Variants in SUSD1 observed in about 807,000 individuals in gnomAD.
The protein encoded by SUSD1 is sushi domain-containing protein 1.
Under a neutral mutation model 86.9 loss-of-function variants are expected in SUSD1, and 65 were observed. The ratio of observed to expected loss-of-function variants is 0.75; its 90% CI spans 0.61 to 0.92. The LOEUF (loss-of-function observed/expected upper bound fraction) is 0.92, where lower values mean the gene tolerates loss of function less well. Among genes scored for constraint, SUSD1 ranks in the 40% least tolerant of loss-of-function variants. The pLI is 0.00. For missense variants in SUSD1, 850 were observed against 929.7 expected (o/e 0.91, Z 1.11); for synonymous variants, 346 against 350.0 (o/e 0.99, Z 0.13).
chr9:112,068,559 A>T (rs148692469), intron 12 of SUSD1, among the ~76,000 whole-genome samples: 10 of 152,200 alleles, frequency 6.6e-5, no homozygotes, highest in African/African-American at 2.4e-4. Context: ...TAAATTAGTC[A>T]GGCACAGTGG....
intron 13 of SUSD1, among the ~76,000 whole-genome samples, chr9:112,059,145 C>T (rs1410879003): frequency 1.3e-5 from 2 of 152,228 alleles, no homozygotes; most frequent in East Asian, 1.9e-4. Flanking sequence ...AGAAAAAGTC[C>T]GGGCCCATGT....
chr9:112,149,255 G>T lies in SUSD1; in HGVS notation c.362C>A (p.Thr121Asn). The T allele has an allele frequency of 6.2e-7, 1 of 1,614,092 alleles. No homozygotes were observed. Among genetic ancestry groups the T allele is most frequent in the East Asian group, 2.2e-5 (1 of 44,878 alleles). The change falls in exon 3 of 17, where the codon ACC becomes AAC. Residue 121 changes from threonine (T) to asparagine (N), a missense_variant. Coordinates refer to ENST00000374270, the MANE Select transcript of SUSD1 (RefSeq NM_022486.5). ...NNKTFIPNDG[T>N]FCTDIDECEV... ...CCCTTCTTGAGTACCTGTACAAAAGGTGCCATCGTTGGGAATGAATGTCTT... is the reference window on the plus strand; with the variant it reads ...CCCTTCTTGAGTACCTGTACAAAAGTTGCCATCGTTGGGAATGAATGTCTT...
At chr9:112,061,732 G>A (rs1329247968) in intron 13 of SUSD1, among the ~76,000 whole-genome samples, 7 of 151,958 alleles carry the variant, frequency 4.6e-5, no homozygotes, top group African/African-American at 7.3e-5. Flanking sequence ...TATAAAAGCA[G>A]GAAAACCCTA....
intron 6 of SUSD1, among the ~76,000 whole-genome samples, chr9:112,116,238 C>T (rs544849167): frequency 1.5e-4 from 23 of 152,248 alleles, no homozygotes; most frequent in African/African-American, 4.8e-4. Context: ...TCAAAGATGC[C>T]ATCTGCCTCC....
At chr9:112,092,913 C>G (rs1830259229) in intron 10 of SUSD1, among the ~76,000 whole-genome samples, 1 of 152,108 alleles carries the variant, frequency 6.6e-6, no homozygotes, top group African/African-American at 2.4e-5. Context: ...TATGAATAAA[C>G]TATCTATGTC....
intron 2 of SUSD1, among the ~76,000 whole-genome samples, chr9:112,154,885 G>C (rs938741411): frequency 6.6e-6 from 1 of 152,176 alleles, no homozygotes; most frequent in South Asian, 2.1e-4. Flanking sequence ...ACAGTGCCTA[G>C]TGCCTGGGAG....
intron 15 of SUSD1, among the ~76,000 whole-genome samples, chr9:112,051,298 T>C (rs1213512438): frequency 6.6e-6 from 1 of 152,162 alleles, no homozygotes; most frequent in Admixed American, 6.6e-5. Flanking sequence ...TTCCTGGTCT[T>C]GGAGCTGGAT....
At chr9:112,128,030 C>T (rs540163845) in intron 5 of SUSD1, among the ~76,000 whole-genome samples, 45 of 151,456 alleles carry the variant, frequency 3.0e-4, no homozygotes, top group Middle Eastern at 3.4e-3. Flanking sequence ...CTCTTACTCT[C>T]GGACTCAAGC....
intron 9 of SUSD1, among the ~76,000 whole-genome samples, chr9:112,101,572 G>A (rs541411369): frequency 6.6e-6 from 1 of 152,142 alleles, no homozygotes; most frequent in South Asian, 2.1e-4. Flanking sequence ...CCAGCTGGGC[G>A]TGGTGGCTCA....
intron 5 of SUSD1, among the ~76,000 whole-genome samples, chr9:112,137,324 G>GCT (rs1832309905): frequency 6.6e-6 from 1 of 152,052 alleles, no homozygotes; most frequent in Admixed American, 6.5e-5. Context: ...AGTTATTAGA[G>GCT]AAGGAAAAAA....
chr9:112,144,322 T>A (rs1032263078), intron 3 of SUSD1, among the ~76,000 whole-genome samples: 2 of 152,080 alleles, frequency 1.3e-5, no homozygotes, highest in African/African-American at 2.4e-5. Context: ...CCAGTCACTA[T>A]AAATATATCC....
intron 3 of SUSD1, among the ~76,000 whole-genome samples, chr9:112,147,371 TGGC>T (rs1312811003): frequency 6.6e-6 from 1 of 151,862 alleles, no homozygotes; most frequent in African/African-American, 2.4e-5. Flanking sequence ...CTGGGCATGG[TGGC>T]GGGTGCCTGT....
At chr9:112,120,248 G>GGAGGA (rs1831497595) in intron 6 of SUSD1, among the ~76,000 whole-genome samples, 1 of 152,092 alleles carries the variant, frequency 6.6e-6, no homozygotes, top group Non-Finnish European at 1.5e-5. Flanking sequence ...TGGAGGCTGT[G>GGAGGA]GTGAGCTGTG....
chr9:112,116,905 C>T (rs1030637493), intron 6 of SUSD1, among the ~76,000 whole-genome samples: 6 of 152,112 alleles, frequency 3.9e-5, no homozygotes, highest in South Asian at 4.1e-4. Flanking sequence ...TTTGAGAGGC[C>T]GAGGCAGACG....
chr9:112,045,493 C>T (rs1292848472), intron 15 of SUSD1, among the ~76,000 whole-genome samples: 1 of 105,408 alleles, frequency 9.5e-6, no homozygotes, highest in African/African-American at 5.2e-5. Context: ...ACATTGTCCA[C>T]AAGGACATTA....
intron 5 of SUSD1, among the ~76,000 whole-genome samples, chr9:112,129,908 A>G (rs1202161438): frequency 6.6e-6 from 1 of 152,248 alleles, no homozygotes; most frequent in Non-Finnish European, 1.5e-5. Context: ...TCAGCAGATC[A>G]TACGTCTAAA....
At chr9:112,057,237 G>C (rs939274405) in intron 14 of SUSD1, among the ~76,000 whole-genome samples, 2 of 152,144 alleles carry the variant, frequency 1.3e-5, no homozygotes, top group African/African-American at 2.4e-5. Context: ...CCTTGATCTT[G>C]GGCTTCCCAG....
At chr9:112,159,398 GT>G (rs1833470872) in intron 1 of SUSD1, among the ~76,000 whole-genome samples, 1 of 152,078 alleles carries the variant, frequency 6.6e-6, no homozygotes, top group Admixed American at 6.6e-5. Flanking sequence ...TGTTCTGCGT[GT>G]TTTTTAAAAA....
At chr9:112,170,046 T>G (rs1015808404) in intron 1 of SUSD1, among the ~76,000 whole-genome samples, 5 of 152,174 alleles carry the variant, frequency 3.3e-5, no homozygotes, top group African/African-American at 1.2e-4. Context: ...GCCAACAGAC[T>G]ACTTGGGATT....
Sources: allele counts gnomAD v4.1 joint callset (sites outside exome capture counted in the v4.1 genomes callset), GRCh38; gene constraint gnomAD v4.1.1; transcripts MANE v1.5; gene names NCBI Gene and HGNC (gene_info 2026-07-23, HGNC 2026-07-21).